The following RAD23B variants were observed in gnomAD, a reference collection of about 807,000 sequenced individuals.
RAD23B encodes lysine-specific demethylase RAD23B.
In RAD23B, 5 loss-of-function variants were observed where a neutral mutation model predicts 49.1. The ratio of observed to expected loss-of-function variants is 0.10; its 90% CI spans 0.05 to 0.21. The LOEUF is 0.21. Among genes scored for constraint, RAD23B ranks in the 10% least tolerant of loss-of-function variants. The pLI is 1.00. For missense variants in RAD23B, 356 were observed against 486.7 expected, an observed-to-expected ratio of 0.73 and a Z score of 2.53; for synonymous variants, 184 against 165.4, an observed-to-expected ratio of 1.11 and a Z score of -0.86.
chr9:107,295,022 T>TA (rs1564241309), intron 1 of RAD23B, among the ~76,000 whole-genome samples: 1 of 151,288 alleles, frequency 6.6e-6, no homozygotes, highest in East Asian at 2.0e-4. Flanking sequence ...GTGGTATCAT[T>TA]ATGGTGTTGC....
At chr9:107,287,235 T>TA (rs11382139) in intron 1 of RAD23B, among the ~76,000 whole-genome samples, 109,289 of 151,622 alleles carry the variant, frequency 0.72, 39,850 homozygotes, top group African/African-American at 0.83. Flanking sequence ...CCTTTTGAGA[T>TA]AAAAAAAATA....
At chr9:107,302,350 T>G (rs1826671903) in intron 3 of RAD23B, among the ~76,000 whole-genome samples, 1 of 152,102 alleles carries the variant, frequency 6.6e-6, no homozygotes, top group African/African-American at 2.4e-5. Flanking sequence ...ATTAAAACAA[T>G]TGAAAAATAA....
At chr9:107,284,068 C>G in intron 1 of RAD23B, 2 of 1,014,344 alleles carry the variant, frequency 2.0e-6, no homozygotes, top group Non-Finnish European at 2.4e-6. Context: ...GGGAGGGAGA[C>G]GTAGGCGTCG....
At chr9:107,291,736 C>A (rs1053226375) in intron 1 of RAD23B, among the ~76,000 whole-genome samples, 3 of 151,768 alleles carry the variant, frequency 2.0e-5, no homozygotes, top group Admixed American at 6.6e-5. Flanking sequence ...ACCGAAGAAC[C>A]AAAAAAGAAA....
At chr9:107,298,485 T>TA (rs1415365382) in intron 1 of RAD23B, among the ~76,000 whole-genome samples, 1 of 113,804 alleles carries the variant, frequency 8.8e-6, no homozygotes, top group Non-Finnish European at 2.0e-5. Flanking sequence ...TTTTTTTTTT[T>TA]TTTTTTTTTT....
At chr9:107,313,472 G>A (rs144329634) in intron 5 of RAD23B, among the ~76,000 whole-genome samples, 1,656 of 152,258 alleles carry the variant, frequency 0.011, 17 homozygotes, top group Non-Finnish European at 0.016. Context: ...TGATCTGCCC[G>A]CCTCGGCCTC....
rs529401879 is a variant in RAD23B, at chr9:107,291,498, T to C, written c.66+7803T>C. Among the ~76,000 whole-genome samples, 340 of 152,356 alleles carry C rather than the reference T, an allele frequency of 2.2e-3. 1 individual carries two copies. The highest frequency in any genetic ancestry group is 3.4e-3 in the Middle Eastern group (1 of 294). ...GTTATAGTGCCTGCCTCTTCTCACA[T>C]AATTAATGTTATGCTATCAGTTATT... On this transcript the variant is annotated intron_variant, in intron 1 of 9. Transcript: ENST00000358015.
chr9:107,323,108 C>G (rs1261381345), intron 7 of RAD23B, among the ~76,000 whole-genome samples: 1 of 152,176 alleles, frequency 6.6e-6, no homozygotes, highest in East Asian at 1.9e-4. Flanking sequence ...AAAACAATTC[C>G]TGTATGTACG....
chr9:107,292,072 C>T (rs7030555), intron 1 of RAD23B, among the ~76,000 whole-genome samples: 122,278 of 152,208 alleles, frequency 0.8, 49,682 homozygotes, highest in African/African-American at 0.93. Flanking sequence ...TCAAAAAATA[C>T]ATTTACACAT....
chr9:107,300,294 T>G, intron 2 of RAD23B, 72 bp downstream of exon 2: 1 of 1,434,172 alleles, frequency 7.0e-7, no homozygotes, highest in Non-Finnish European at 9.3e-7. Flanking sequence ...TTATCTTATA[T>G]ATTGTAGTAT....
At chr9:107,298,722 A>G (rs543368233) in intron 1 of RAD23B, among the ~76,000 whole-genome samples, 1 of 151,612 alleles carries the variant, frequency 6.6e-6, no homozygotes, top group African/African-American at 2.4e-5. Context: ...ACTTATTATA[A>G]TAAATATTAT....
intron 6 of RAD23B, among the ~76,000 whole-genome samples, chr9:107,320,614 G>A (rs948718633): frequency 6.6e-6 from 1 of 151,856 alleles, no homozygotes; most frequent in Non-Finnish European, 1.5e-5. Flanking sequence ...TAAGAGATAG[G>A]TTAAGGTGAA....
intron 9 of RAD23B, among the ~76,000 whole-genome samples, chr9:107,325,836 T>C (rs1329276284): frequency 6.6e-6 from 1 of 152,248 alleles, no homozygotes; most frequent in Non-Finnish European, 1.5e-5. Context: ...GGGAAAGCAT[T>C]CAGTCTTTCA....
chr9:107,316,487 C>T (rs555026539), intron 5 of RAD23B, among the ~76,000 whole-genome samples: 20 of 152,176 alleles, frequency 1.3e-4, no homozygotes, highest in African/African-American at 4.8e-4. Flanking sequence ...ATTTCTGTAT[C>T]TGGGAATTAG....
At chr9:107,329,252 G>A (rs1324598230) in intron 9 of RAD23B, among the ~76,000 whole-genome samples, 4 of 152,106 alleles carry the variant, frequency 2.6e-5, no homozygotes, top group Non-Finnish European at 4.4e-5. Context: ...TTTTTAATTA[G>A]GCCAAAGAGT....
intron 9 of RAD23B, among the ~76,000 whole-genome samples, chr9:107,327,408 A>C (rs1291849400): frequency 6.6e-6 from 1 of 152,214 alleles, no homozygotes; most frequent in Non-Finnish European, 1.5e-5. Flanking sequence ...GTTTATAGCT[A>C]TAATATTCCT....
At chr9:107,324,081 AAC>A in intron 8 of RAD23B, 64 bp downstream of exon 8, 1 of 1,536,030 alleles carries the variant, frequency 6.5e-7, no homozygotes. Context: ...AAAGTCCATG[AAC>A]GGTCCTTCCC....
At chr9:107,306,085 A>ATACACTC (rs543194287) in intron 3 of RAD23B, among the ~76,000 whole-genome samples, 2 of 122,928 alleles carry the variant, frequency 1.6e-5, no homozygotes, top group African/African-American at 3.2e-5. Flanking sequence ...ATATATCTAT[A>ATACACTC]TATATTTCAA....
At chr9:107,321,957 C>G in intron 6 of RAD23B, 26 bp from the exon 7 acceptor site, 5 of 1,582,408 alleles carry the variant, frequency 3.2e-6, no homozygotes, top group Non-Finnish European at 3.4e-6. Context: ...GATGGGATAT[C>G]TTAAAGCTTG....
Sources: gnomAD v4.1 joint callset for allele counts (sites outside exome capture counted in the v4.1 genomes callset) on GRCh38, gnomAD v4.1.1 for gene constraint, MANE v1.5 for transcripts, NCBI Gene and HGNC (gene_info 2026-07-23, HGNC 2026-07-21) for gene names.